FHIT: variants seen among roughly 807,000 people sequenced by gnomAD.
The protein encoded by FHIT is bis(5'-adenosyl)-triphosphatase.
In FHIT, 19 loss-of-function variants were observed where a neutral mutation model predicts 17.9. The observed-to-expected ratio is 1.06, with a 90% CI of 0.74 to 1.56. The LOEUF (loss-of-function observed/expected upper bound fraction) is 1.56, where lower values mean the gene tolerates loss of function less well. Ranked by LOEUF, FHIT falls within the 40% of genes most tolerant of loss-of-function variation. FHIT has a pLI of 0.00. For missense variants in FHIT, 248 were observed against 189.2 expected, an observed-to-expected ratio of 1.31 and a Z score of -1.82; for synonymous variants, 81 against 69.7, an observed-to-expected ratio of 1.16 and a Z score of -0.81.
intron 7 of FHIT, among the ~76,000 whole-genome samples, chr3:59,953,810 T>C (rs1338269027): frequency 2.0e-5 from 3 of 152,224 alleles, no homozygotes; most frequent in African/African-American, 7.2e-5. Flanking sequence ...ACAAAGGTTC[T>C]GCAAACAGGT....
At chr3:61,004,448 A>C (rs1207996770) in intron 3 of FHIT, among the ~76,000 whole-genome samples, 1 of 152,228 alleles carries the variant, frequency 6.6e-6, no homozygotes, top group African/African-American at 2.4e-5. Context: ...ACTATTTATA[A>C]AACTTTGGGT....
intron 5 of FHIT, among the ~76,000 whole-genome samples, chr3:60,512,752 G>A (rs535117697): frequency 9.2e-5 from 14 of 152,278 alleles, no homozygotes; most frequent in Middle Eastern, 3.4e-3. Context: ...ACCGAATCAG[G>A]AGAAAACAAT....
intron 2 of FHIT, among the ~76,000 whole-genome samples, chr3:61,058,905 G>A (rs186054455): frequency 6.6e-6 from 1 of 152,270 alleles, no homozygotes; most frequent in East Asian, 1.9e-4. Context: ...AAATGATGCA[G>A]CCAGGATTTG....
At chr3:60,600,504 A>C (rs2038408665) in intron 4 of FHIT, among the ~76,000 whole-genome samples, 1 of 152,180 alleles carries the variant, frequency 6.6e-6, no homozygotes, top group Admixed American at 6.5e-5. Flanking sequence ...CTAATACCTT[A>C]CCCAACACCT....
chr3:60,683,347 T>C lies in FHIT; in HGVS notation c.-18+138572A>G, dbSNP rs531898498. Among the ~76,000 whole-genome samples the C allele has an allele frequency of 4.6e-5, 7 of 152,288 alleles. No individual in the cohort carries two copies. The East Asian group carries it at 9.7e-4, about 21-fold the overall frequency. ...AAGAAGCCACTGATGTTGAAAACTTTACTGTTTTCTTACTTTAACAAATTG... is the reference window on the plus strand; with the variant it reads ...AAGAAGCCACTGATGTTGAAAACTTCACTGTTTTCTTACTTTAACAAATTG... On this transcript the variant is annotated intron_variant, in intron 4 of 9. Transcript: ENST00000492590.
At chr3:60,811,470 C>A (rs1701569593) in intron 4 of FHIT, among the ~76,000 whole-genome samples, 1 of 152,152 alleles carries the variant, frequency 6.6e-6, no homozygotes, top group South Asian at 2.1e-4. Flanking sequence ...CGAGTGAATT[C>A]TCATGCTAAA....
At chr3:60,611,436 T>C (rs1339859470) in intron 4 of FHIT, among the ~76,000 whole-genome samples, 1 of 152,040 alleles carries the variant, frequency 6.6e-6, no homozygotes, top group Non-Finnish European at 1.5e-5. Flanking sequence ...CAGCTCAAGG[T>C]CATCACCAAG....
intron 8 of FHIT, among the ~76,000 whole-genome samples, chr3:59,908,628 T>A (rs953022099): frequency 6.6e-6 from 1 of 151,734 alleles, no homozygotes; most frequent in South Asian, 2.1e-4. Flanking sequence ...GACAACAGAA[T>A]CCCTGCCTAC....
At chr3:61,239,225 G>GA (rs1171770707) in intron 1 of FHIT, among the ~76,000 whole-genome samples, 1 of 152,106 alleles carries the variant, frequency 6.6e-6, no homozygotes, top group Non-Finnish European at 1.5e-5. Context: ...TTACCCATGG[G>GA]AAAAAAATCC....
At chr3:60,613,921 G>C (rs939806525) in intron 4 of FHIT, among the ~76,000 whole-genome samples, 1 of 152,118 alleles carries the variant, frequency 6.6e-6, no homozygotes, top group Non-Finnish European at 1.5e-5. Context: ...GGAAGCAGAG[G>C]TGAAAAGAGT....
chr3:61,155,669 T>A (rs2037515750), intron 2 of FHIT, among the ~76,000 whole-genome samples: 1 of 152,218 alleles, frequency 6.6e-6, no homozygotes, highest in Non-Finnish European at 1.5e-5. Context: ...TTGTCAGTGA[T>A]TATGCTGTGC....
intron 5 of FHIT, among the ~76,000 whole-genome samples, chr3:60,029,526 C>T (rs563224589): frequency 1.3e-5 from 2 of 152,264 alleles, no homozygotes; most frequent in South Asian, 2.1e-4. Flanking sequence ...GCAGACCCGT[C>T]GTCATATGCT....
chr3:60,525,196 A>G (rs2035526762), intron 5 of FHIT, among the ~76,000 whole-genome samples: 1 of 152,230 alleles, frequency 6.6e-6, no homozygotes, highest in Non-Finnish European at 1.5e-5. Flanking sequence ...TAATCCTTAC[A>G]TTGATACTTT....
At chr3:61,115,062 C>T (rs953641109) in intron 2 of FHIT, among the ~76,000 whole-genome samples, 3 of 152,126 alleles carry the variant, frequency 2.0e-5, no homozygotes, top group African/African-American at 7.2e-5. Flanking sequence ...CCATCCGGAA[C>T]AGATAATATG....
chr3:61,177,881 T>C (rs2038206993), intron 2 of FHIT, among the ~76,000 whole-genome samples: 4 of 152,164 alleles, frequency 2.6e-5, no homozygotes, highest in Admixed American at 1.3e-4. Flanking sequence ...TGTCATCAGA[T>C]AGACATTAAA....
intron 8 of FHIT, among the ~76,000 whole-genome samples, chr3:59,887,365 G>C (rs934508562): frequency 2.0e-5 from 3 of 152,150 alleles, no homozygotes; most frequent in Non-Finnish European, 4.4e-5. Flanking sequence ...TTGTGGTGAG[G>C]ACTAGAAAGT....
chr3:60,377,777 G>A (rs566888068), intron 5 of FHIT, among the ~76,000 whole-genome samples: 213 of 151,604 alleles, frequency 1.4e-3, no homozygotes, highest in Middle Eastern at 6.9e-3. Context: ...CACCGCGCCC[G>A]GCCCAGCCAA....
chr3:59,850,847 G>A (rs1467612827), intron 8 of FHIT, among the ~76,000 whole-genome samples: 1 of 152,180 alleles, frequency 6.6e-6, no homozygotes, highest in Non-Finnish European at 1.5e-5. Context: ...TACTGTGCAA[G>A]GGGAGGTAGA....
At chr3:60,752,566 C>T (rs17063917) in intron 4 of FHIT, among the ~76,000 whole-genome samples, 5,089 of 152,160 alleles carry the variant, frequency 0.033, 295 homozygotes, top group African/African-American at 0.11. Flanking sequence ...TACTTTTTTG[C>T]GTTTTATTTT....
Sources: allele counts gnomAD v4.1 joint callset (sites outside exome capture counted in the v4.1 genomes callset), GRCh38; gene constraint gnomAD v4.1.1; transcripts MANE v1.5; gene names NCBI Gene and HGNC (gene_info 2026-07-23, HGNC 2026-07-21).